The following SAMD12 variants were observed in gnomAD, a reference collection of about 807,000 sequenced individuals.
SAMD12 encodes the protein sterile alpha motif domain-containing protein 12.
A neutral mutation model predicts 15.0 loss-of-function variants in SAMD12; 9 were observed. The ratio of observed to expected loss-of-function variants is 0.60; its 90% confidence interval spans 0.36 to 1.05. SAMD12 has a LOEUF of 1.05. Among genes scored for constraint, SAMD12 ranks in the 50% least tolerant of loss-of-function variants. The probability of loss-of-function intolerance (pLI) is 0.01; values close to 1 mark genes in which losing one functional copy is unlikely to be tolerated. For missense variants in SAMD12, 230 were observed against 234.2 expected (o/e 0.98, Z 0.12); for synonymous variants, 86 against 90.1 (o/e 0.96, Z 0.25).
At chr8:118,148,829 G>C in the SAMD12 span, among the ~76,000 whole-genome samples, 1 of 152,140 alleles carries the variant, frequency 6.6e-6, no homozygotes, top group Non-Finnish European at 1.5e-5. Context: ...TAATGTTTTT[G>C]AGCTTTACCC....
At chr8:118,466,203 T>C (rs912759286) in intron 2 of SAMD12, among the ~76,000 whole-genome samples, 2 of 152,168 alleles carry the variant, frequency 1.3e-5, no homozygotes, top group Non-Finnish European at 1.5e-5. Context: ...GCAGGTCCAA[T>C]AGCCTATAGA....
intron 4 of SAMD12, among the ~76,000 whole-genome samples, chr8:118,329,804 T>C (rs569682645): frequency 8.5e-5 from 13 of 152,322 alleles, no homozygotes; most frequent in Non-Finnish European, 1.3e-4. Context: ...TGCACAGATA[T>C]AGCACAATTT....
At chr8:118,587,669 T>G (rs139555694) in intron 1 of SAMD12, among the ~76,000 whole-genome samples, 124 of 152,344 alleles carry the variant, frequency 8.1e-4, no homozygotes, top group Middle Eastern at 3.4e-3. Context: ...CAGTACATGC[T>G]GTGACCACAG....
intron 2 of SAMD12, among the ~76,000 whole-genome samples, chr8:118,522,036 A>G (rs1256584955): frequency 1.3e-5 from 2 of 152,080 alleles, no homozygotes; most frequent in African/African-American, 4.8e-5. Context: ...AACATAACAC[A>G]ATTTGTCCAC....
At chr8:118,505,957 A>G (rs897541274) in intron 2 of SAMD12, among the ~76,000 whole-genome samples, 2 of 152,078 alleles carry the variant, frequency 1.3e-5, no homozygotes, top group Admixed American at 6.6e-5. Context: ...ACATAATATC[A>G]TCCATTATCA....
chr8:118,614,186 G>C (rs1174837529), intron 1 of SAMD12, among the ~76,000 whole-genome samples: 2 of 152,196 alleles, frequency 1.3e-5, no homozygotes, highest in Admixed American at 1.3e-4. Context: ...AGGTGAAACA[G>C]ACAGCATCAT....
At chr8:118,377,730 G>A (rs988113441), downstream of SAMD12, among the ~76,000 whole-genome samples, 1 of 152,094 alleles carries the variant, frequency 6.6e-6, no homozygotes, top group African/African-American at 2.4e-5. Context: ...CACACTGCAG[G>A]CTGACATTAG....
rs532614500 is a variant in SAMD12 at position 118,540,254 on chromosome 8, G to A, written c.192+40461C>T. Among the ~76,000 whole-genome samples the A allele has an allele frequency of 3.3e-5, 5 of 152,262 alleles. No homozygotes were observed. The East Asian group carries it at 7.7e-4, about 24-fold the overall frequency. On this transcript the variant is annotated intron_variant, in intron 2 of 3. Coordinates refer to ENST00000314727, the MANE Select transcript of SAMD12 (RefSeq NM_207506.3). The stretch of plus-strand genomic sequence containing the variant: ...GACTCCAAATTCTTCCAGGGTAGTG[G>A]TTCTCAGTTGCCATGACACAGGTCC...
At chr8:118,524,446 T>C (rs1586786655) in intron 2 of SAMD12, among the ~76,000 whole-genome samples, 2 of 152,224 alleles carry the variant, frequency 1.3e-5, no homozygotes, top group East Asian at 3.9e-4. Flanking sequence ...CCTCCCTGAT[T>C]TCTAAATATT....
chr8:118,432,221 C>T (rs1245538082), intron 3 of SAMD12, among the ~76,000 whole-genome samples: 3 of 152,184 alleles, frequency 2.0e-5, no homozygotes, highest in Admixed American at 6.5e-5. Flanking sequence ...ATAAACCTAA[C>T]ATCTGTGTCA....
intron 2 of SAMD12, among the ~76,000 whole-genome samples, chr8:118,521,848 A>G (rs1015736911): frequency 6.6e-6 from 1 of 152,214 alleles, no homozygotes; most frequent in South Asian, 2.1e-4. Context: ...GAGCAAATGC[A>G]AAAGAGAAGC....
the SAMD12 span, among the ~76,000 whole-genome samples, chr8:118,144,223 C>A: frequency 6.6e-6 from 1 of 152,194 alleles, no homozygotes; most frequent in African/African-American, 2.4e-5. Flanking sequence ...CTCTTCATCT[C>A]AAGATCTTTA....
In SAMD12 at chr8:118,371,331, G is replaced by T. The variant is rs73325677; in HGVS notation, c.433+8229C>A. 9.6e-3 allele frequency among the ~76,000 whole-genome samples: 1,456 copies of T among 152,214 alleles called. 26 individuals are homozygous for T. Among genetic ancestry groups the T allele is most frequent in the African/African-American group, 0.033 (1,383 of 41,532 alleles). On this transcript the variant is annotated intron_variant, in intron 4 of 4. Transcript: ENST00000409003. The stretch of plus-strand genomic sequence containing the variant: ...AGTTAATTGAAGTAGAATTGAGGGA[G>T]CAGGACAGAGACTTCAGATCAAATG...
chr8:118,419,074 T>C (rs779080876), intron 3 of SAMD12, among the ~76,000 whole-genome samples: 4 of 152,216 alleles, frequency 2.6e-5, no homozygotes, highest in Non-Finnish European at 5.9e-5. Context: ...ATTCTTGGTG[T>C]CAAAAGTCTT....
At chr8:118,523,236 C>T (rs1166822396) in intron 2 of SAMD12, among the ~76,000 whole-genome samples, 1 of 152,050 alleles carries the variant, frequency 6.6e-6, no homozygotes, top group Non-Finnish European at 1.5e-5. Context: ...AGGTGGGGGG[C>T]ACTCCCTCAA....
intron 4 of SAMD12, among the ~76,000 whole-genome samples, chr8:118,270,192 A>G (rs1382695003): frequency 6.6e-6 from 1 of 152,146 alleles, no homozygotes; most frequent in Non-Finnish European, 1.5e-5. Flanking sequence ...AGGTTCTTTC[A>G]TATCCCTGTT....
chr8:118,188,586 GCT>G (rs1304990263), downstream of SAMD12, among the ~76,000 whole-genome samples: 1 of 152,112 alleles, frequency 6.6e-6, no homozygotes, highest in African/African-American at 2.4e-5. Flanking sequence ...GTTTATAAGT[GCT>G]TTTTCCTTTC....
chr8:118,428,834 G>A (rs11784091), intron 3 of SAMD12, among the ~76,000 whole-genome samples: 81,677 of 151,908 alleles, frequency 0.54, 24,352 homozygotes, highest in Non-Finnish European at 0.65. Flanking sequence ...ATATTACCTT[G>A]GTTATTGTAA....
chr8:118,434,531 G>A (rs899050317), intron 3 of SAMD12, among the ~76,000 whole-genome samples: 1 of 152,148 alleles, frequency 6.6e-6, no homozygotes, highest in African/African-American at 2.4e-5. Flanking sequence ...GAAGCCAAAC[G>A]AGGTGAAGTG....
Sources: allele counts gnomAD v4.1 joint callset (sites outside exome capture counted in the v4.1 genomes callset), GRCh38; gene constraint gnomAD v4.1.1; transcripts MANE v1.5; gene names NCBI Gene and HGNC (gene_info 2026-07-23, HGNC 2026-07-21).